Variants in TSG101 observed in about 807,000 individuals in gnomAD.
The protein encoded by TSG101 is tumor susceptibility gene 101 protein.
A neutral mutation model predicts 48.5 loss-of-function variants in TSG101; 19 were observed. That is an observed-to-expected ratio of 0.39 (90% CI 0.27 to 0.58). TSG101 has a LOEUF of 0.58. Among genes scored for constraint, TSG101 ranks in the 20% least tolerant of loss-of-function variants. The pLI, the probability that TSG101 is intolerant of heterozygous loss-of-function variation, is 0.55. For missense variants in TSG101, 365 were observed against 484.4 expected (o/e 0.75, Z 2.31); for synonymous variants, 174 against 169.4 (o/e 1.03, Z -0.21).
At chr11:18,500,541 T>C (rs893556312) in intron 7 of TSG101, among the ~76,000 whole-genome samples, 4 of 152,196 alleles carry the variant, frequency 2.6e-5, no homozygotes, top group African/African-American at 9.7e-5. Flanking sequence ...GATAAGATTA[T>C]ATTTCTTTGT....
At chr11:18,482,891 G>C (rs888097541) in intron 8 of TSG101, among the ~76,000 whole-genome samples, 6 of 152,174 alleles carry the variant, frequency 3.9e-5, no homozygotes, top group Non-Finnish European at 8.8e-5. Context: ...GCAACATCAA[G>C]CACTCAAACA....
At chr11:18,522,609 C>T (rs1274733595) in intron 1 of TSG101, among the ~76,000 whole-genome samples, 1 of 152,208 alleles carries the variant, frequency 6.6e-6, no homozygotes, top group Non-Finnish European at 1.5e-5. Flanking sequence ...CTAGTCTCAG[C>T]ATAGCATCTA....
At chr11:18,507,190 T>C (rs1395909991) in intron 5 of TSG101, among the ~76,000 whole-genome samples, 4 of 152,248 alleles carry the variant, frequency 2.6e-5, no homozygotes, top group African/African-American at 9.6e-5. Context: ...AAGAAGTCTA[T>C]TACCTAAGAG....
At chr11:18,485,591 A>T (rs1565081682) in intron 7 of TSG101, among the ~76,000 whole-genome samples, 1 of 152,180 alleles carries the variant, frequency 6.6e-6, no homozygotes, top group African/African-American at 2.4e-5. Context: ...ATGTAGAAGA[A>T]GGTAATTATT....
chr11:18,501,811 T>G (rs1257508328), intron 7 of TSG101, among the ~76,000 whole-genome samples: 1 of 152,222 alleles, frequency 6.6e-6, no homozygotes, highest in East Asian at 1.9e-4. Context: ...TTCTCTGTGC[T>G]GATGAGTCAT....
intron 6 of TSG101, 94 bp from the exon 7 acceptor site, chr11:18,502,671 GGTT>G (rs1849908699): frequency 1.1e-6 from 1 of 900,108 alleles, no homozygotes; most frequent in Admixed American, 2.6e-5. Context: ...CTTGACATAT[GGTT>G]GTTTTACCAG....
At chr11:18,494,237 G>C (rs1230555233) in intron 7 of TSG101, among the ~76,000 whole-genome samples, 1 of 152,158 alleles carries the variant, frequency 6.6e-6, no homozygotes, top group East Asian at 1.9e-4. Flanking sequence ...CATAAAAGAT[G>C]AAAGATGCTA....
intron 7 of TSG101, among the ~76,000 whole-genome samples, chr11:18,497,541 T>C (rs1849802794): frequency 6.7e-6 from 1 of 149,740 alleles, no homozygotes; most frequent in African/African-American, 2.4e-5. Context: ...ATGGAAATCA[T>C]CTAAGCTATA....
chr11:18,508,158 G>C (rs746942523), intron 5 of TSG101, among the ~76,000 whole-genome samples: 1 of 151,540 alleles, frequency 6.6e-6, no homozygotes, highest in African/African-American at 2.4e-5. Context: ...TTGTCATAGC[G>C]GTCACTCGCT....
chr11:18,519,619 G>A lies in TSG101; in HGVS notation c.43-16C>T, dbSNP rs368620147. 1.3e-5 allele frequency: 21 copies of A among 1,578,012 alleles called. No individual in the cohort carries two copies. Among genetic ancestry groups the A allele is most frequent in the East Asian group, 6.8e-5 (3 of 44,404 alleles). On this transcript the variant is annotated splice_polypyrimidine_tract_variant and intron_variant, in intron 1 of 9. Transcript: ENST00000251968. ...TGTATTTGTACTGAAAAGCAAAATC[G>A]CATAAGAATTTAGTTTAAAACCAAT...
intron 1 of TSG101, among the ~76,000 whole-genome samples, chr11:18,523,485 CTTTA>C: frequency 6.6e-6 from 1 of 152,158 alleles, no homozygotes; most frequent in East Asian, 1.9e-4. Context: ...ACATATCAAT[CTTTA>C]TTTTATTATT....
intron 7 of TSG101, among the ~76,000 whole-genome samples, chr11:18,499,332 A>ATATTT (rs1276332928): frequency 9.4e-6 from 1 of 106,332 alleles, no homozygotes; most frequent in African/African-American, 3.4e-5. Context: ...TTATATATTT[A>ATATTT]TATTTATGTA....
chr11:18,519,666 G>A lies in TSG101; in HGVS notation c.43-63C>T. On this transcript the variant is annotated intron_variant, in intron 1 of 9. Transcript: ENST00000251968. The stretch of plus-strand genomic sequence containing the variant: ...CAATGCATATATTTTACAGCTGGAT[G>A]AATTTTCTTAAAATCTCTTCCACTA... 2.5e-6 allele frequency: 3 copies of A among 1,217,282 alleles called. No individual in the cohort carries two copies. In the South Asian group the frequency reaches 4.2e-5, roughly 17 times the overall value. 75.4% of individuals were successfully genotyped at this position (1,217,282 alleles called of 1,614,324 possible).
At position 18,519,618 on chromosome 11, in the gene TSG101, C is replaced by A; in HGVS notation, c.43-15G>T. 1.3e-6 allele frequency: 2 copies of A among 1,581,820 alleles called. No homozygotes were observed. Among genetic ancestry groups the A allele is most frequent in the South Asian group, 1.1e-5 (1 of 87,444 alleles). On this transcript the variant is annotated splice_polypyrimidine_tract_variant and intron_variant, in intron 1 of 9. Transcript: ENST00000251968. The stretch of plus-strand genomic sequence containing the variant: ...CTGTATTTGTACTGAAAAGCAAAAT[C>A]GCATAAGAATTTAGTTTAAAACCAA...
chr11:18,484,507 G>A lies in TSG101; in HGVS notation c.641-435C>T, dbSNP rs563441765. 1.1e-4 allele frequency among the ~76,000 whole-genome samples: 16 copies of A among 152,334 alleles called. No homozygotes were observed. The South Asian group carries it at 2.3e-3, about 22-fold the overall frequency. ...GTGCCCACTGTAGAGGCCAGTGAGA[G>A]GACTGAGAATGGGCAGTTTCCCTAA... On this transcript the variant is annotated intron_variant, in intron 7 of 9. Transcript: ENST00000251968.
chr11:18,519,784 A>G (rs1050477871), intron 1 of TSG101, among the ~76,000 whole-genome samples, 181 bp from the exon 2 acceptor site: 4 of 152,222 alleles, frequency 2.6e-5, no homozygotes, highest in African/African-American at 9.6e-5. Context: ...ACATCAGTAA[A>G]TATCTATAGT....
At position 18,526,895 on chromosome 11, in the gene TSG101, C is replaced by T. The variant is rs895833185; in HGVS notation, c.-79G>A. On this transcript the variant is annotated 5_prime_UTR_variant, in exon 1 of 10. Transcript: ENST00000251968. ...GCTGCCCCAGACCGTCCCACACAAT[C>T]GCACACCCCCAACCCGGCCTCAAAC... 6.7e-6 allele frequency: 10 copies of T among 1,494,668 alleles called. No individual in the cohort carries two copies. The African/African-American group carries it at 1.2e-4, about 19-fold the overall frequency. 92.6% of individuals were successfully genotyped at this position (1,494,668 alleles called of 1,614,324 possible). A position where few individuals can be genotyped will look rare whatever the true frequency, so the allele number is the denominator to read the frequency against.
At chr11:18,513,909 T>C (rs556016528) in intron 4 of TSG101, among the ~76,000 whole-genome samples, 1 of 152,130 alleles carries the variant, frequency 6.6e-6, no homozygotes, top group African/African-American at 2.4e-5. Flanking sequence ...ACCCCACCTC[T>C]ACTAAATACT....
At chr11:18,481,599 A>C (rs1163688590) in intron 9 of TSG101, 31 bp downstream of exon 9, 4 of 1,599,746 alleles carry the variant, frequency 2.5e-6, no homozygotes, top group Non-Finnish European at 3.4e-6. Flanking sequence ...ACCCAAGTTA[A>C]AAAATCTTGG....
Sources: allele counts gnomAD v4.1 joint callset (sites outside exome capture counted in the v4.1 genomes callset), GRCh38; gene constraint gnomAD v4.1.1; transcripts MANE v1.5; gene names NCBI Gene and HGNC (gene_info 2026-07-23, HGNC 2026-07-21).